The following CPAMD8 variants were observed in gnomAD, a reference collection of about 807,000 sequenced individuals.
The protein encoded by CPAMD8 is C3 and PZP like alpha-2-macroglobulin domain containing 8.
A neutral mutation model predicts 224.7 loss-of-function variants in CPAMD8; 146 were observed. The observed-to-expected ratio is 0.65, with a 90% CI of 0.57 to 0.75. The LOEUF is 0.75. CPAMD8 is among the 30% of genes least tolerant of loss of function. The pLI, the probability that CPAMD8 is intolerant of heterozygous loss-of-function variation, is 0.00. For synonymous variants in CPAMD8, 966 were observed against 1,044.6 expected (o/e 0.92, Z 1.45); for missense variants, 2,301 against 2,537.5 (o/e 0.91, Z 2.00).
At chr19:17,000,613 C>T in intron 9 of CPAMD8, 91 bp from the exon 10 acceptor site, 1 of 679,332 alleles carries the variant, frequency 1.5e-6, no homozygotes, top group South Asian at 1.7e-5. Flanking sequence ...ATAGTGTGGC[C>T]ACTAGTACAG....
At chr19:16,973,928 C>A (rs1214219486) in intron 17 of CPAMD8, among the ~76,000 whole-genome samples, 2 of 148,706 alleles carry the variant, frequency 1.3e-5, no homozygotes, top group Non-Finnish European at 3.0e-5. Flanking sequence ...CTCCCGGGCT[C>A]AAGTGATTCT....
intron 2 of CPAMD8, among the ~76,000 whole-genome samples, chr19:17,021,082 G>A (rs2056942232): frequency 6.6e-6 from 1 of 152,208 alleles, no homozygotes; most frequent in Admixed American, 6.5e-5. Flanking sequence ...GATTGGCTCA[G>A]GGTTGAGCAC....
intron 36 of CPAMD8, among the ~76,000 whole-genome samples, chr19:16,900,960 A>G (rs1399089920): frequency 1.4e-5 from 2 of 146,264 alleles, no homozygotes; most frequent in African/African-American, 5.0e-5. Flanking sequence ...TCCACTGGGA[A>G]TTTGAGCCAA....
intron 18 of CPAMD8, among the ~76,000 whole-genome samples, chr19:16,958,738 A>G (rs1453997847): frequency 6.6e-6 from 1 of 151,818 alleles, no homozygotes; most frequent in Non-Finnish European, 1.5e-5. Flanking sequence ...ACTCCCATCA[A>G]CTATGCATAG....
rs574081303 is a variant in CPAMD8 at position 16,990,972 on chromosome 19, A to G, written c.1267-1201T>C. 5.3e-5 allele frequency among the ~76,000 whole-genome samples: 8 copies of G among 150,888 alleles called. No individual in the cohort carries two copies. The East Asian group carries it at 1.6e-3, about 29-fold the overall frequency. On this transcript the variant is annotated intron_variant, in intron 12 of 41. Coordinates refer to ENST00000443236, the MANE Select transcript of CPAMD8 (RefSeq NM_015692.5). The stretch of plus-strand genomic sequence containing the variant: ...ATAAACGGGCCACACCAGAAAGGCC[A>G]GTTGTGTGATTAGATGGCTGGGCTT...
Position 16,898,026 on chromosome 19 carries a change from C to T in CPAMD8, c.4849-32G>A, listed in dbSNP as rs748708713. The T allele has an allele frequency of 3.8e-6, 6 of 1,559,334 alleles. No individual in the cohort carries two copies. Among genetic ancestry groups the T allele is most frequent in the East Asian group, 4.6e-5 (2 of 43,352 alleles). ...GGCAGCGGCGGGCGCAGGCTCGACC[C>T]GGGCCAGGAGGCCCGGGGCGCTGAG... On this transcript the variant is annotated intron_variant, in intron 37 of 41. Transcript: ENST00000443236. This position sits in a 1 kb window ranked among gnomAD's most constrained non-coding sequence, Gnocchi z 4.2.
intron 27 of CPAMD8, among the ~76,000 whole-genome samples, chr19:16,920,834 G>A (rs1241052856): frequency 7.0e-6 from 1 of 141,964 alleles, no homozygotes; most frequent in Non-Finnish European, 1.5e-5. Flanking sequence ...CCAGCCTGGG[G>A]AACAGAGTTA....
chr19:16,904,148 C>T, intron 32 of CPAMD8, 78 bp downstream of exon 32: 1 of 1,468,202 alleles, frequency 6.8e-7, no homozygotes, highest in Non-Finnish European at 9.2e-7. Flanking sequence ...GCCTGGCCAC[C>T]TCAGAGCTCA....
chr19:16,967,895 G>GCATATATACACACACGTT (rs2054902909), intron 18 of CPAMD8, among the ~76,000 whole-genome samples: 2 of 16,602 alleles, frequency 1.2e-4, no homozygotes. Flanking sequence ...ACACACATGT[G>GCATATATACACACACGTT]TGTGTATATA....
Position 16,928,144 on chromosome 19 carries a change from T to C in CPAMD8, c.3235A>G (p.Thr1079Ala), listed in dbSNP as rs752145226. The change falls in exon 25 of 42, where the codon ACC becomes GCC. Residue 1079 changes from threonine (T) to alanine (A), a missense_variant. Thr to Ala is a moderately conservative substitution (Grantham distance 58). Coordinates refer to ENST00000443236, the MANE Select transcript of CPAMD8 (RefSeq NM_015692.5). ...AATTCACCCATGGAGCCCCAGCCGGTGGAAAAGCCAATGAACTGGACCTCT... is the reference window on the plus strand; with the variant it reads ...AATTCACCCATGGAGCCCCAGCCGGCGGAAAAGCCAATGAACTGGACCTCT... ...PPEVQFIGFS[T>A]GWGSMGEFRI... 4.3e-6 allele frequency: 7 copies of C among 1,614,100 alleles called. No individual in the cohort carries two copies. Among genetic ancestry groups the C allele is most frequent in the Non-Finnish European group, 5.1e-6 (6 of 1,180,022 alleles).
intron 34 of CPAMD8, 25 bp from the exon 35 acceptor site, chr19:16,902,888 C>G (rs756500259): frequency 1.4e-6 from 2 of 1,474,558 alleles, no homozygotes; most frequent in South Asian, 2.7e-5. Context: ...AGGATGGAGG[C>G]TTAGGGACCT....
intron 27 of CPAMD8, among the ~76,000 whole-genome samples, chr19:16,917,055 C>T (rs1004223120): frequency 4.6e-5 from 7 of 152,316 alleles, no homozygotes; most frequent in African/African-American, 1.7e-4. Flanking sequence ...TACTTTCCCA[C>T]TGTAAAACGC....
At chr19:16,989,244 A>G (rs2055852252) in intron 13 of CPAMD8, among the ~76,000 whole-genome samples, 1 of 151,930 alleles carries the variant, frequency 6.6e-6, no homozygotes, top group Non-Finnish European at 1.5e-5. Context: ...CACAAAACCA[A>G]TCCTTGGTGC....
intron 14 of CPAMD8, 118 bp downstream of exon 14, chr19:16,980,379 C>T (rs1599838649): frequency 2.2e-6 from 2 of 908,912 alleles, no homozygotes; most frequent in East Asian, 2.6e-5. Flanking sequence ...CCCCTCTGAC[C>T]CAAGGCATGC....
In CPAMD8 at chr19:16,903,546, T is replaced by A. The variant is rs1466030195; in HGVS notation, c.4470+15A>T. 2 of 1,613,920 alleles carry A rather than the reference T, an allele frequency of 1.2e-6. No individual in the cohort carries two copies. Among genetic ancestry groups the A allele is most frequent in the Non-Finnish European group, 1.7e-6 (2 of 1,179,984 alleles). On this transcript the variant is annotated intron_variant, in intron 34 of 41. Transcript: ENST00000443236. ...GGACAAGCCCAAGATCACCTCGTGC[T>A]CCCCAAAACCTCACCTGCATCAGGC...
intron 13 of CPAMD8, among the ~76,000 whole-genome samples, chr19:16,986,706 G>GGCAA (rs975638111): frequency 3.3e-5 from 5 of 152,040 alleles, no homozygotes; most frequent in African/African-American, 1.2e-4. Flanking sequence ...GCGCTGTGAT[G>GGCAA]GCAACTGGTT....
intron 7 of CPAMD8, among the ~76,000 whole-genome samples, chr19:17,007,567 G>A (rs2056527311): frequency 6.6e-6 from 1 of 152,076 alleles, no homozygotes; most frequent in Non-Finnish European, 1.5e-5. Flanking sequence ...CCCAAGGCAG[G>A]AGACAGAAGG....
chr19:17,014,027 CCTTCTTTCTTTCTTTCTCTTTCTCTTT>C (rs1200448714), intron 3 of CPAMD8, among the ~76,000 whole-genome samples: 1 of 70,296 alleles, frequency 1.4e-5, no homozygotes, highest in Non-Finnish European at 3.8e-5. Flanking sequence ...TCCATCCCTC[CCTTCTTTCTTTCTTTCTCTTTCTCTTT>C]CTTTCTTTTG....
chr19:16,929,646 G>A (rs1052840097), intron 23 of CPAMD8, among the ~76,000 whole-genome samples: 2 of 152,164 alleles, frequency 1.3e-5, no homozygotes, highest in Admixed American at 1.3e-4. Context: ...GCTGCAGTGA[G>A]CCATGATTGC....
Sources: allele counts gnomAD v4.1 joint callset (sites outside exome capture counted in the v4.1 genomes callset), GRCh38; gene constraint gnomAD v4.1.1; non-coding constraint Gnocchi (gnomAD v3.1); transcripts MANE v1.5; gene names NCBI Gene and HGNC (gene_info 2026-07-23, HGNC 2026-07-21).